The following SETD9 variants were observed in gnomAD, a reference collection of about 807,000 sequenced individuals.
The protein encoded by SETD9 is SET domain-containing protein 9.
A neutral mutation model predicts 36.4 loss-of-function variants in SETD9; 37 were observed. The observed-to-expected ratio is 1.02, with a 90% confidence interval of 0.78 to 1.34. The LOEUF (loss-of-function observed/expected upper bound fraction) is 1.34, where lower values mean the gene tolerates loss of function less well. SETD9 is among the 40% of genes most tolerant of loss of function. SETD9 has a pLI of 0.00. For synonymous variants in SETD9, 128 were observed against 132.9 expected (o/e 0.96, Z 0.26); for missense variants, 323 against 353.2 (o/e 0.91, Z 0.69).
chr5:56,909,618 G>A lies in SETD9; in HGVS notation c.-28G>A, dbSNP rs1198837359. 6.3e-7 allele frequency: 1 copy of A among 1,580,704 alleles called. No individual in the cohort carries two copies. The highest frequency in any genetic ancestry group is 8.6e-7 in the Non-Finnish European group (1 of 1,163,688). ...GGCCTCGATCCGCCTTCCCCGCGCC[G>A]TCCTGGTCACGGCCCCGCGGGGCAG... On this transcript the variant is annotated 5_prime_UTR_variant, in exon 1 of 6. Coordinates refer to ENST00000285947, the MANE Select transcript of SETD9 (RefSeq NM_153706.4).
rs891141959 is a variant in SETD9 at position 56,917,300 on chromosome 5, A to T, written c.*398A>T. 143 of 989,490 alleles carry T rather than the reference A, an allele frequency of 1.4e-4. No individual in the cohort carries two copies. The highest frequency in any genetic ancestry group is 1.5e-4 in the Non-Finnish European group (129 of 833,036). 61.3% of individuals were successfully genotyped at this position (989,490 alleles called of 1,614,324 possible). On this transcript the variant is annotated 3_prime_UTR_variant, in exon 6 of 6. Coordinates refer to ENST00000285947, the MANE Select transcript of SETD9 (RefSeq NM_153706.4). The stretch of plus-strand genomic sequence containing the variant: ...GTGTACAAACTTCTGTAAAAACTTT[A>T]TTTTTACAGAATTGAGTAAAAAATA...
intron 5 of SETD9, chr5:56,923,903 C>T (rs761957809): frequency 3.1e-6 from 5 of 1,614,036 alleles, no homozygotes; most frequent in Non-Finnish European, 3.4e-6. Context: ...AAGGCAAGGC[C>T]ACAGTACTTA....
intron 2 of SETD9, chr5:56,912,286 TTAAC>T: frequency 1.1e-6 from 1 of 922,782 alleles, no homozygotes; most frequent in Non-Finnish European, 1.3e-6. Flanking sequence ...CACAAGATCA[TTAAC>T]TAGAATGCTA....
chr5:56,926,307 A>G (rs114283563), downstream of SETD9, among the ~76,000 whole-genome samples: 31 of 152,258 alleles, frequency 2.0e-4, no homozygotes, highest in Admixed American at 3.3e-4. Context: ...TAAAAAGACA[A>G]GCCTCAAAAT....
chr5:56,916,253 G>A (rs1374632182), intron 5 of SETD9, among the ~76,000 whole-genome samples: 4 of 152,074 alleles, frequency 2.6e-5, no homozygotes, highest in African/African-American at 9.7e-5. Context: ...TTAGTCAGGC[G>A]TGGTGGCACG....
intron 5 of SETD9, chr5:56,925,321 C>G (rs937625051): frequency 2.2e-6 from 1 of 454,356 alleles, no homozygotes; most frequent in Non-Finnish European, 4.4e-6. Context: ...ATAAAACTGT[C>G]TCTGTTTACA....
intron 5 of SETD9, chr5:56,923,641 A>G: frequency 6.2e-7 from 1 of 1,613,366 alleles, no homozygotes; most frequent in Non-Finnish European, 8.5e-7. Context: ...CAAACAGAGG[A>G]CACAATTTTG....
At chr5:56,919,447 T>C (rs1053678414), downstream of SETD9, among the ~76,000 whole-genome samples, 1 of 152,098 alleles carries the variant, frequency 6.6e-6, no homozygotes, top group Admixed American at 6.6e-5. Flanking sequence ...TTAAGGAAAA[T>C]ATTTAATCTA....
At chr5:56,910,305 G>C in intron 1 of SETD9, 2 of 1,304,292 alleles carry the variant, frequency 1.5e-6, no homozygotes, top group Non-Finnish European at 2.0e-6. Context: ...AGCCCATCCC[G>C]GCTGTGAGAA....
chr5:56,911,146 A>C (rs982192008), intron 1 of SETD9, 23 bp from the exon 2 acceptor site: 1 of 1,521,348 alleles, frequency 6.6e-7, no homozygotes, highest in Admixed American at 2.3e-5. Flanking sequence ...AGGGTAGTGA[A>C]TAGAAACTTT....
At chr5:56,919,129 T>C (rs1749546552), downstream of SETD9, among the ~76,000 whole-genome samples, 1 of 122,060 alleles carries the variant, frequency 8.2e-6, no homozygotes, top group East Asian at 2.6e-4. Flanking sequence ...GGGACTTCTT[T>C]TTTTTTTTTT....
downstream of SETD9, among the ~76,000 whole-genome samples, chr5:56,926,211 T>C (rs1026317571): frequency 1.3e-5 from 2 of 152,020 alleles, no homozygotes; most frequent in Non-Finnish European, 2.9e-5. Flanking sequence ...AATAAAATGC[T>C]AAAAGTGTGA....
At chr5:56,925,218 AGT>A in intron 5 of SETD9, 1 of 342,784 alleles carries the variant, frequency 2.9e-6, no homozygotes, top group East Asian at 8.6e-5. Context: ...ACATACAGAA[AGT>A]GTGAAATTTT....
chr5:56,918,739 A>AT (rs984021549), downstream of SETD9, among the ~76,000 whole-genome samples: 7 of 152,168 alleles, frequency 4.6e-5, no homozygotes, highest in Non-Finnish European at 8.8e-5. Context: ...AGGAGTCAAG[A>AT]TTTTTGCTTT....
chr5:56,924,763 A>T (rs1460441282), intron 5 of SETD9, among the ~76,000 whole-genome samples: 3 of 152,230 alleles, frequency 2.0e-5, no homozygotes, highest in Non-Finnish European at 1.5e-5. Flanking sequence ...ATTCAGATGT[A>T]TGAACAAAAT....
downstream of SETD9, among the ~76,000 whole-genome samples, chr5:56,918,284 C>T (rs772728808): frequency 6.6e-6 from 1 of 152,166 alleles, no homozygotes; most frequent in Non-Finnish European, 1.5e-5. Context: ...TTAGTTCTCT[C>T]TGCCTGTAAA....
rs1178397869 is a variant in SETD9, at chr5:56,917,296, C to CT, written c.*397dup. On this transcript the variant is annotated 3_prime_UTR_variant, in exon 6 of 6. Transcript: ENST00000285947. ...TGATGTGTACAAACTTCTGTAAAAA[C>CT]TTTATTTTTACAGAATTGAGTAAAA... is the stretch of plus-strand genomic sequence containing the variant. 33 of 989,724 alleles carry CT rather than the reference C, an allele frequency of 3.3e-5. No individual in the cohort carries two copies. The highest frequency in any genetic ancestry group is 4.0e-5 in the Non-Finnish European group (33 of 833,236). The allele number at this position is 989,724 out of a possible 1,614,324, so 61.3% of individuals were successfully genotyped here.
downstream of SETD9, among the ~76,000 whole-genome samples, chr5:56,926,266 C>CTT (rs916094744): frequency 6.6e-6 from 1 of 151,736 alleles, no homozygotes; most frequent in African/African-American, 2.4e-5. Context: ...AAATTAAAAA[C>CTT]TTTTACTCTG....
chr5:56,918,509 G>GAT (rs1399565296), downstream of SETD9, among the ~76,000 whole-genome samples: 1 of 152,202 alleles, frequency 6.6e-6, no homozygotes, highest in African/African-American at 2.4e-5. Context: ...AGATGTACTA[G>GAT]ATTATCCTGC....
Sources: gnomAD v4.1 joint callset for allele counts (sites outside exome capture counted in the v4.1 genomes callset) on GRCh38, gnomAD v4.1.1 for gene constraint, MANE v1.5 for transcripts, NCBI Gene and HGNC (gene_info 2026-07-23, HGNC 2026-07-21) for gene names.